TMTC2: variants seen among roughly 807,000 people sequenced by gnomAD.
TMTC2 encodes the protein protein O-mannosyl-transferase TMTC2.
TMTC2 carries 43 observed loss-of-function variants against 82.4 expected under a neutral mutation model. That is an observed-to-expected ratio of 0.52 (90% confidence interval 0.41 to 0.67). The LOEUF is 0.67. Among genes scored for constraint, TMTC2 ranks in the 30% least tolerant of loss-of-function variants. TMTC2 has a pLI of 0.00. For synonymous variants in TMTC2, 408 were observed against 381.9 expected (o/e 1.07, Z -0.80); for missense variants, 919 against 1,012.4 (o/e 0.91, Z 1.25).
intron 1 of TMTC2, among the ~76,000 whole-genome samples, chr12:82,740,858 A>G (rs375929926): frequency 1.1e-4 from 16 of 152,210 alleles, no homozygotes; most frequent in African/African-American, 3.9e-4. Flanking sequence ...GGCCTCTTTC[A>G]TGCTGCCCGA....
Position 83,133,991 on chromosome 12 carries a change from A to G in TMTC2, c.*1602A>G, listed in dbSNP as rs548164029. 6.5e-6 allele frequency: 1 copy of G among 152,686 alleles called. No homozygotes were observed. Among genetic ancestry groups the G allele is most frequent in the East Asian group, 1.9e-4 (1 of 5,184 alleles). 9.5% of individuals were successfully genotyped at this position (152,686 alleles called of 1,614,324 possible). On this transcript the variant is annotated 3_prime_UTR_variant, in exon 12 of 12. Coordinates refer to ENST00000321196, the MANE Select transcript of TMTC2 (RefSeq NM_152588.3). ...AAATACATCATATTATGTTTTCTCC[A>G]TATTTTATGTTTTTCTATGTATCTG...
intron 8 of TMTC2, among the ~76,000 whole-genome samples, chr12:83,001,267 C>T (rs1340137079): frequency 6.6e-6 from 1 of 152,164 alleles, no homozygotes; most frequent in Non-Finnish European, 1.5e-5. Flanking sequence ...AACTTTTACG[C>T]TCTGCTTCCC....
intron 8 of TMTC2, among the ~76,000 whole-genome samples, chr12:82,987,435 AGAG>A (rs1879202516): frequency 2.0e-5 from 3 of 149,626 alleles, no homozygotes; most frequent in Admixed American, 6.6e-5. Context: ...AAAAAAAAAA[AGAG>A]AAAAAAAAAA....
At chr12:82,703,498 CTTTTT>C (rs539968079) in intron 1 of TMTC2, among the ~76,000 whole-genome samples, 1 of 121,652 alleles carries the variant, frequency 8.2e-6, no homozygotes. Flanking sequence ...TAGTTTCTTT[CTTTTT>C]TTTTTTTTTT....
chr12:83,049,236 G>T (rs551337248), intron 9 of TMTC2, among the ~76,000 whole-genome samples: 14 of 152,210 alleles, frequency 9.2e-5, no homozygotes, highest in Non-Finnish European at 1.8e-4. Flanking sequence ...TGTCACAAGG[G>T]CTTGGTGGAC....
At chr12:82,711,852 T>C (rs6539680) in intron 1 of TMTC2, among the ~76,000 whole-genome samples, 143,049 of 152,272 alleles carry the variant, frequency 0.94, 67,451 homozygotes, top group Non-Finnish European at 0.99. Flanking sequence ...TGATTATCAT[T>C]ACACATAGGA....
chr12:82,794,184 C>T (rs1490734118), intron 1 of TMTC2, among the ~76,000 whole-genome samples: 2 of 152,168 alleles, frequency 1.3e-5, no homozygotes, highest in African/African-American at 4.8e-5. Context: ...GGACAGGGCG[C>T]AGGCCCGCAA....
intron 1 of TMTC2, among the ~76,000 whole-genome samples, chr12:82,799,951 G>T (rs1878914816): frequency 6.6e-6 from 1 of 151,860 alleles, no homozygotes; most frequent in Non-Finnish European, 1.5e-5. Context: ...AATTTCTCTG[G>T]CCTTTTGCAA....
chr12:82,971,761 T>A (rs968033229), intron 7 of TMTC2, among the ~76,000 whole-genome samples: 9 of 151,616 alleles, frequency 5.9e-5, no homozygotes, highest in Admixed American at 6.6e-5. Context: ...CTAGGGTAAC[T>A]GTCTTGTCAT....
At chr12:82,886,922 T>C (rs560442483) in intron 2 of TMTC2, among the ~76,000 whole-genome samples, 1 of 152,258 alleles carries the variant, frequency 6.6e-6, no homozygotes, top group East Asian at 1.9e-4. Context: ...GTAACTATTT[T>C]GGGAAGGAGG....
At chr12:82,852,787 G>A (rs922800124) in intron 1 of TMTC2, among the ~76,000 whole-genome samples, 1 of 152,166 alleles carries the variant, frequency 6.6e-6, no homozygotes, top group African/African-American at 2.4e-5. Context: ...TTAAGGCCCT[G>A]TTGGTCTGTA....
At chr12:82,874,308 C>T (rs547800302) in intron 2 of TMTC2, among the ~76,000 whole-genome samples, 3 of 152,302 alleles carry the variant, frequency 2.0e-5, no homozygotes, top group East Asian at 1.9e-4. Flanking sequence ...CTCATTTAAC[C>T]TCTCCAGGAG....
rs1046269162 is a variant in TMTC2, at chr12:82,864,594, C to T, written c.654+7014C>T. Among the ~76,000 whole-genome samples the T allele has an allele frequency of 4.1e-4, 62 of 150,176 alleles. 1 individual carries two copies. Among genetic ancestry groups the T allele is most frequent in the African/African-American group, 1.4e-3 (59 of 40,698 alleles). On this transcript the variant is annotated intron_variant, in intron 2 of 11. Transcript: ENST00000321196. ...TTGGCTCACTGCAACCTCCGCCTCC[C>T]GGGTTCCAGCGATTCACCTACCTCA...
chr12:82,922,824 T>C (rs938059411), intron 3 of TMTC2, among the ~76,000 whole-genome samples: 11 of 152,214 alleles, frequency 7.2e-5, no homozygotes, highest in Non-Finnish European at 1.5e-4. Flanking sequence ...GGTCCATTCA[T>C]GTAACAGTAT....
At chr12:82,947,345 CTT>C (rs1195188141) in intron 4 of TMTC2, among the ~76,000 whole-genome samples, 6 of 134,342 alleles carry the variant, frequency 4.5e-5, no homozygotes, top group Admixed American at 7.5e-5. Flanking sequence ...CTTTTTTTTT[CTT>C]TTTTTTTTTT....
At chr12:82,778,006 T>G (rs896854937) in intron 1 of TMTC2, among the ~76,000 whole-genome samples, 1 of 152,150 alleles carries the variant, frequency 6.6e-6, no homozygotes, top group Admixed American at 6.6e-5. Flanking sequence ...GGGTATATTA[T>G]GAAACATTTT....
intron 1 of TMTC2, among the ~76,000 whole-genome samples, chr12:82,705,130 C>G (rs1379951367): frequency 2.0e-5 from 3 of 152,120 alleles, no homozygotes; most frequent in Non-Finnish European, 4.4e-5. Flanking sequence ...TAAGTGGGAG[C>G]TAAACCACGA....
chr12:83,007,889 G>A (rs961635564), intron 8 of TMTC2, among the ~76,000 whole-genome samples: 1 of 152,030 alleles, frequency 6.6e-6, no homozygotes, highest in East Asian at 1.9e-4. Flanking sequence ...TAGTTTCACT[G>A]GATATAAAAT....
At position 82,965,059 on chromosome 12, in the gene TMTC2, A is replaced by G; in HGVS notation, c.1634A>G (p.Glu545Gly). The change falls in exon 5 of 12, where the codon GAA becomes GGA. Residue 545 changes from glutamate to glycine, a missense_variant. Glu to Gly is a moderately conservative substitution (Grantham distance 98). Coordinates refer to ENST00000321196, the MANE Select transcript of TMTC2 (RefSeq NM_152588.3). The stretch of plus-strand genomic sequence containing the variant: ...CTCCAGGAGAACAGCAGGTTTGCAG[A>G]AGCACTACATTATTATAAATTGGCC... ...LLLQENSRFA[E>G]ALHYYKLAIG... 1 of 1,612,620 alleles carries G rather than the reference A, an allele frequency of 6.2e-7. No homozygotes were observed. The highest frequency in any genetic ancestry group is 1.1e-5 in the South Asian group (1 of 90,960).
Sources: gnomAD v4.1 joint callset for allele counts (sites outside exome capture counted in the v4.1 genomes callset) on GRCh38, gnomAD v4.1.1 for gene constraint, MANE v1.5 for transcripts, NCBI Gene and HGNC (gene_info 2026-07-23, HGNC 2026-07-21) for gene names.